The following VTA1 variants were observed in gnomAD, a reference collection of about 807,000 sequenced individuals.
VTA1 encodes vacuolar protein sorting-associated protein VTA1 homolog.
In VTA1, 24 loss-of-function variants were observed where a neutral mutation model predicts 36.9. The observed-to-expected ratio is 0.65, with a 90% confidence interval of 0.47 to 0.91. The LOEUF (loss-of-function observed/expected upper bound fraction) is 0.91. Among genes scored for constraint, VTA1 ranks in the 40% least tolerant of loss-of-function variants. The probability of loss-of-function intolerance (pLI) is 0.00; values close to 1 mark genes in which losing one functional copy is unlikely to be tolerated. For missense variants in VTA1, 393 were observed against 377.2 expected (o/e 1.04, Z -0.35); for synonymous variants, 142 against 130.2 (o/e 1.09, Z -0.62).
At chr6:142,210,056 A>G (rs1054664126) in intron 7 of VTA1, among the ~76,000 whole-genome samples, 9 of 152,214 alleles carry the variant, frequency 5.9e-5, no homozygotes, top group African/African-American at 1.7e-4. Context: ...TGGTACTGGC[A>G]TAAAAAACAG....
chr6:142,185,415 G>A (rs1322593655), intron 4 of VTA1, among the ~76,000 whole-genome samples: 2 of 152,230 alleles, frequency 1.3e-5, no homozygotes, highest in East Asian at 3.9e-4. Flanking sequence ...CCCAAAGAGG[G>A]AAAGTTTAAA....
chr6:142,173,739 C>A (rs1230854538), intron 4 of VTA1, among the ~76,000 whole-genome samples: 1 of 152,144 alleles, frequency 6.6e-6, no homozygotes, highest in East Asian at 1.9e-4. Flanking sequence ...ATTAATTTAT[C>A]TGTATTTCAG....
intron 6 of VTA1, among the ~76,000 whole-genome samples, chr6:142,202,571 C>T (rs1021877927): frequency 6.6e-6 from 1 of 151,952 alleles, no homozygotes. Flanking sequence ...ATGCATAAAA[C>T]TAAAGTATAG....
At chr6:142,148,802 GA>G (rs1472386486) in intron 1 of VTA1, among the ~76,000 whole-genome samples, 1 of 152,166 alleles carries the variant, frequency 6.6e-6, no homozygotes, top group Non-Finnish European at 1.5e-5. Flanking sequence ...ATAAAAGAGT[GA>G]AAGGCATACC....
intron 2 of VTA1, among the ~76,000 whole-genome samples, chr6:142,168,764 T>C (rs2114644118): frequency 6.8e-6 from 1 of 147,676 alleles, no homozygotes; most frequent in South Asian, 2.1e-4. Context: ...TTATTATTAT[T>C]ATTATTATTA....
intron 4 of VTA1, among the ~76,000 whole-genome samples, chr6:142,181,651 C>T (rs1775243597): frequency 6.6e-6 from 1 of 150,756 alleles, no homozygotes; most frequent in African/African-American, 2.4e-5. Flanking sequence ...TCTTTTCTTA[C>T]CCCAGTAGAT....
At chr6:142,181,866 T>A (rs562019045) in intron 4 of VTA1, among the ~76,000 whole-genome samples, 1 of 152,300 alleles carries the variant, frequency 6.6e-6, no homozygotes, top group Admixed American at 6.5e-5. Context: ...TTGAAAAATA[T>A]AAAAGGATTA....
rs543123592 is a variant in VTA1 at position 142,194,584 on chromosome 6, A to AT, written c.521-3850dup. On this transcript the variant is annotated intron_variant, in intron 5 of 7. Transcript: ENST00000367630. ...TAGCTTCTAATAGGAATTACAATTG[A>AT]TTTTTGTATAATTTTTTATCTTGCA... is the stretch of plus-strand genomic sequence containing the variant. 1.4e-4 allele frequency among the ~76,000 whole-genome samples: 21 copies of AT among 152,068 alleles called. No homozygotes were observed. In the East Asian group the frequency reaches 4.1e-3, roughly 29 times the overall value.
intron 1 of VTA1, among the ~76,000 whole-genome samples, chr6:142,151,613 T>A (rs35754309): frequency 3.5e-4 from 53 of 152,372 alleles, no homozygotes; most frequent in African/African-American, 1.3e-3. Flanking sequence ...CTTACTTGGC[T>A]GATTAGTTTG....
At chr6:142,194,823 T>C (rs1775516854) in intron 5 of VTA1, among the ~76,000 whole-genome samples, 1 of 152,138 alleles carries the variant, frequency 6.6e-6, no homozygotes, top group East Asian at 1.9e-4. Context: ...AGAAATCTTC[T>C]TTATTTCTAG....
chr6:142,178,008 A>T (rs225669), intron 4 of VTA1, among the ~76,000 whole-genome samples: 2 of 152,096 alleles, frequency 1.3e-5, no homozygotes, highest in African/African-American at 4.8e-5. Context: ...GAAAACGAGT[A>T]CAAAAAGATA....
In VTA1 at chr6:142,189,524, A is replaced by G. The variant is rs1440399672; in HGVS notation, c.510A>G (p.Glu170=). The stretch of plus-strand genomic sequence containing the variant: ...CTCAAGCAGGCCCTGTTGGAATTGA[A>G]GAAGATAATGGTATGTATTTATTTA... ...ETPQAGPVGI[E]EDNDIEENED... is the part of the protein sequence containing the mutation. Residue 170 remains glutamate, a synonymous_variant, in exon 5 of 8, where the codon GAA becomes GAG. Coordinates refer to ENST00000367630, the MANE Select transcript of VTA1 (RefSeq NM_016485.5). 1 of 1,598,382 alleles carries G rather than the reference A, an allele frequency of 6.3e-7. No homozygotes were observed. Among genetic ancestry groups the G allele is most frequent in the Non-Finnish European group, 8.5e-7 (1 of 1,170,042 alleles).
intron 4 of VTA1, among the ~76,000 whole-genome samples, chr6:142,187,908 CTTTCTT>C (rs1775371675): frequency 8.6e-6 from 1 of 115,618 alleles, no homozygotes; most frequent in Non-Finnish European, 1.9e-5. Flanking sequence ...AGGATACTTT[CTTTCTT>C]TTTTTTTTTT....
intron 4 of VTA1, among the ~76,000 whole-genome samples, chr6:142,172,277 G>C (rs1399662041): frequency 2.0e-5 from 3 of 152,182 alleles, no homozygotes; most frequent in Non-Finnish European, 2.9e-5. Context: ...CCAAAGTGCT[G>C]GGATTACAGG....
intron 7 of VTA1, among the ~76,000 whole-genome samples, chr6:142,207,199 T>G (rs1318115746): frequency 6.6e-6 from 1 of 152,174 alleles, no homozygotes; most frequent in Non-Finnish European, 1.5e-5. Flanking sequence ...CCTACCCTTA[T>G]GCCCACACAG....
chr6:142,164,557 A>G (rs1774877468), intron 1 of VTA1, among the ~76,000 whole-genome samples: 2 of 152,188 alleles, frequency 1.3e-5, no homozygotes, highest in Non-Finnish European at 2.9e-5. Flanking sequence ...AGATATGATA[A>G]ATAGGTAACT....
intron 5 of VTA1, among the ~76,000 whole-genome samples, chr6:142,191,150 TATG>T (rs145788295): frequency 4.7e-4 from 72 of 152,326 alleles, no homozygotes; most frequent in African/African-American, 1.7e-3. Flanking sequence ...GTATCAATGT[TATG>T]ATGTTATGCT....
intron 1 of VTA1, among the ~76,000 whole-genome samples, chr6:142,165,343 A>G (rs907781289): frequency 6.6e-6 from 1 of 152,176 alleles, no homozygotes; most frequent in Non-Finnish European, 1.5e-5. Flanking sequence ...AGAGACTATG[A>G]CCCAAGAATC....
chr6:142,177,078 T>C (rs1440781642), intron 4 of VTA1, among the ~76,000 whole-genome samples: 1 of 152,326 alleles, frequency 6.6e-6, no homozygotes, highest in South Asian at 2.1e-4. Context: ...CACCATACTT[T>C]AGGTTTTCAT....
Sources: gnomAD v4.1 joint callset for allele counts (sites outside exome capture counted in the v4.1 genomes callset) on GRCh38, gnomAD v4.1.1 for gene constraint, MANE v1.5 for transcripts, NCBI Gene and HGNC (gene_info 2026-07-23, HGNC 2026-07-21) for gene names.